Variants in ANK3 observed in about 807,000 individuals in gnomAD.
ANK3 encodes the protein ankyrin-3.
A neutral mutation model predicts 370.9 loss-of-function variants in ANK3; 57 were observed. The observed-to-expected ratio is 0.15, with a 90% CI of 0.12 to 0.19. The LOEUF (loss-of-function observed/expected upper bound fraction) is 0.19, where lower values mean the gene tolerates loss of function less well. Among genes scored for constraint, ANK3 ranks in the 10% least tolerant of loss-of-function variants. The pLI, the probability that ANK3 is intolerant of heterozygous loss-of-function variation, is 1.00. For synonymous variants in ANK3, 1,929 were observed against 1,946.3 expected, an observed-to-expected ratio of 0.99 and a Z score of 0.23; for missense variants, 4,439 against 5,302.1, an observed-to-expected ratio of 0.84 and a Z score of 5.06.
chr10:60,349,687 AG>A (rs2056465922), intron 1 of ANK3, among the ~76,000 whole-genome samples: 1 of 152,198 alleles, frequency 6.6e-6, no homozygotes, highest in African/African-American at 2.4e-5. Flanking sequence ...ACAAAGAAAC[AG>A]AGGAGAGGAT....
At chr10:60,689,820 A>T (rs1005808028) in intron 1 of ANK3, among the ~76,000 whole-genome samples, 2 of 152,054 alleles carry the variant, frequency 1.3e-5, no homozygotes, top group African/African-American at 4.8e-5. Context: ...TAGATTTTAG[A>T]TTTATATAGA....
Position 60,070,253 on chromosome 10 carries a change from T to G in ANK3, c.10628A>C (p.Asp3543Ala). 1 of 1,614,054 alleles carries G rather than the reference T, an allele frequency of 6.2e-7. No individual in the cohort carries two copies. Residue 3543 changes from aspartate (D) to alanine (A), a missense_variant, in exon 37 of 44, where the codon GAC becomes GCC. Coordinates refer to ENST00000280772, the MANE Select transcript of ANK3 (RefSeq NM_020987.5). The surrounding 1 kb of genome is among the most constrained non-coding windows in gnomAD (Gnocchi z 5.7). Reference sequence around the variant, plus strand: ...ATCCCCTCGGTTATTAGACCAAGGGTCAAAATCTAGACCTTTGGTAGCTAC... The same window carrying G: ...ATCCCCTCGGTTATTAGACCAAGGGGCAAAATCTAGACCTTTGGTAGCTAC... Reference protein sequence around the residue: ...KTVATKGLDFDPWSNNRGDDE... With the variant: ...KTVATKGLDFAPWSNNRGDDE...
intron 2 of ANK3, among the ~76,000 whole-genome samples, chr10:60,588,071 T>A (rs2077856709): frequency 6.6e-6 from 1 of 152,046 alleles, no homozygotes; most frequent in African/African-American, 2.4e-5. Context: ...CTAGACAGCA[T>A]GTGTTTCTAC....
Position 60,074,853 on chromosome 10 carries a change from G to A in ANK3, c.6028C>T (p.Pro2010Ser). 6.2e-7 allele frequency: 1 copy of A among 1,613,634 alleles called. No homozygotes were observed. The highest frequency in any genetic ancestry group is 8.5e-7 in the Non-Finnish European group (1 of 1,179,886). ...ACTTGCACTCTCTCTGGCAGAGATG[G>A]AGACTGGCTCGCAGCAGCTTGTTGT... ...ARQQAAASQS[P>S]SLPERVQVKA... Residue 2010 changes from proline to serine, a missense_variant, in exon 37 of 44, where the codon CCA becomes TCA. Physicochemically the swap from Pro to Ser is moderately conservative, Grantham distance 74. Coordinates refer to ENST00000280772, the MANE Select transcript of ANK3 (RefSeq NM_020987.5).
intron 16 of ANK3, among the ~76,000 whole-genome samples, chr10:60,193,692 A>C (rs2096536248): frequency 6.6e-6 from 1 of 151,950 alleles, no homozygotes; most frequent in Admixed American, 6.6e-5. Flanking sequence ...CATTTGCTGC[A>C]CTTACTGCTT....
chr10:60,343,259 G>T (rs1056147462), intron 1 of ANK3, among the ~76,000 whole-genome samples: 30 of 152,096 alleles, frequency 2.0e-4, no homozygotes, highest in Admixed American at 1.2e-3. Flanking sequence ...TCTAAAGTTA[G>T]TGGTTTTGCA....
At chr10:60,106,252 C>A (rs922229036) in intron 27 of ANK3, among the ~76,000 whole-genome samples, 193 bp from the exon 28 acceptor site, 1 of 152,068 alleles carries the variant, frequency 6.6e-6, no homozygotes, top group Non-Finnish European at 1.5e-5. Context: ...ATCATTCATT[C>A]ATTCACAAAC....
At chr10:60,466,671 G>A (rs2065019609) in intron 2 of ANK3, among the ~76,000 whole-genome samples, 1 of 152,120 alleles carries the variant, frequency 6.6e-6, no homozygotes, top group Non-Finnish European at 1.5e-5. Flanking sequence ...CAACTGAAAT[G>A]TCCTTCAGCT....
chr10:60,545,452 A>AG (rs2133222746), intron 2 of ANK3, among the ~76,000 whole-genome samples: 1 of 151,816 alleles, frequency 6.6e-6, no homozygotes, highest in South Asian at 2.1e-4. Flanking sequence ...AAAAAAAAAA[A>AG]TAGTTCTACA....
chr10:60,378,615 A>C (rs990659421), intron 1 of ANK3, among the ~76,000 whole-genome samples: 1 of 152,148 alleles, frequency 6.6e-6, no homozygotes, highest in Non-Finnish European at 1.5e-5. Flanking sequence ...TCCTTCAATA[A>C]TTGGTGCTGG....
At chr10:60,467,328 T>C (rs1473994277) in intron 2 of ANK3, among the ~76,000 whole-genome samples, 1 of 152,180 alleles carries the variant, frequency 6.6e-6, no homozygotes, top group African/African-American at 2.4e-5. Context: ...TAACATATAG[T>C]TGCTCTTCCA....
intron 2 of ANK3, among the ~76,000 whole-genome samples, chr10:60,603,043 C>T (rs918837535): frequency 2.0e-5 from 3 of 152,048 alleles, no homozygotes; most frequent in Non-Finnish European, 4.4e-5. Context: ...CTGCTCCACT[C>T]GTCTTGAAAC....
At chr10:60,656,499 T>C (rs1402414024) in intron 1 of ANK3, among the ~76,000 whole-genome samples, 1 of 152,168 alleles carries the variant, frequency 6.6e-6, no homozygotes, top group African/African-American at 2.4e-5. Flanking sequence ...TCTTTTTGTC[T>C]ATTTTACTAA....
At chr10:60,334,138 A>G (rs2052183201) in intron 1 of ANK3, among the ~76,000 whole-genome samples, 1 of 152,142 alleles carries the variant, frequency 6.6e-6, no homozygotes, top group South Asian at 2.1e-4. Flanking sequence ...ACTCTTCCAC[A>G]ATGTCTGCAG....
chr10:60,332,312 A>G (rs886107283), intron 1 of ANK3, among the ~76,000 whole-genome samples: 27 of 152,212 alleles, frequency 1.8e-4, no homozygotes, highest in African/African-American at 6.5e-4. Context: ...TTATACGCAT[A>G]ATATTTAATA....
intron 2 of ANK3, chr10:60,572,380 A>G (rs2133268627): frequency 5.2e-6 from 7 of 1,338,906 alleles, no homozygotes; most frequent in Non-Finnish European, 1.0e-6. Flanking sequence ...TCTAAAGCCA[A>G]TCTCTTAAAA....
chr10:60,580,621 T>C (rs1007698993), intron 2 of ANK3, among the ~76,000 whole-genome samples: 4 of 152,216 alleles, frequency 2.6e-5, no homozygotes, highest in African/African-American at 7.2e-5. Context: ...TCTCTCCAAA[T>C]AATTAACCTC....
intron 1 of ANK3, among the ~76,000 whole-genome samples, chr10:60,284,399 T>C (rs369784236): frequency 6.6e-6 from 1 of 152,158 alleles, no homozygotes. Context: ...ACTAGCTCCA[T>C]TTCATAGATA....
rs759215741 is a variant in ANK3, at chr10:60,069,088, G to A, written c.11793C>T (p.Ala3931=). 1.9e-6 allele frequency: 3 copies of A among 1,614,018 alleles called. No homozygotes were observed. The highest frequency in any genetic ancestry group is 2.2e-5 in the East Asian group (1 of 44,880). ...TCTCTGGCTGCCCTTGCTTTTGTGTGGCACATGCTTTTCTAACTGCAATTA... is the reference window on the plus strand; with the variant it reads ...TCTCTGGCTGCCCTTGCTTTTGTGTAGCACATGCTTTTCTAACTGCAATTA... ...DNIIAVRKAC[A]TQKQGQPEKG... Residue 3931 remains alanine, a synonymous_variant, in exon 37 of 44, where the codon GCC becomes GCT. Coordinates refer to ENST00000280772, the MANE Select transcript of ANK3 (RefSeq NM_020987.5).
Sources: allele counts gnomAD v4.1 joint callset (sites outside exome capture counted in the v4.1 genomes callset), GRCh38; gene constraint gnomAD v4.1.1; non-coding constraint Gnocchi (gnomAD v3.1); transcripts MANE v1.5; gene names NCBI Gene and HGNC (gene_info 2026-07-23, HGNC 2026-07-21).